The following SLC4A10 variants were observed in gnomAD, a reference collection of about 807,000 sequenced individuals.
The protein encoded by SLC4A10 is sodium-driven chloride bicarbonate exchanger.
In SLC4A10, 42 loss-of-function variants were observed where a neutral mutation model predicts 137.7. The ratio of observed to expected loss-of-function variants is 0.30; its 90% CI spans 0.24 to 0.39. SLC4A10 has a LOEUF of 0.39. SLC4A10 is among the 10% of genes least tolerant of loss of function. The pLI is 1.00. For synonymous variants in SLC4A10, 474 were observed against 464.1 expected (o/e 1.02, Z -0.27); for missense variants, 925 against 1,355.0 (o/e 0.68, Z 4.98).
At chr2:161,814,826 C>T (rs959549897) in intron 3 of SLC4A10, among the ~76,000 whole-genome samples, 2 of 151,894 alleles carry the variant, frequency 1.3e-5, no homozygotes, top group African/African-American at 4.8e-5. Context: ...ACTATACTGC[C>T]CACTACTTGG....
At chr2:161,645,586 T>C (rs2035921426) in intron 1 of SLC4A10, among the ~76,000 whole-genome samples, 1 of 152,048 alleles carries the variant, frequency 6.6e-6, no homozygotes, top group Admixed American at 6.6e-5. Context: ...TTTTATATTA[T>C]GTGAATAAAG....
intron 11 of SLC4A10, among the ~76,000 whole-genome samples, chr2:161,895,336 A>T (rs1173284577): frequency 5.3e-5 from 8 of 152,024 alleles, no homozygotes; most frequent in Admixed American, 5.2e-4. Context: ...GGTTGGTTCC[A>T]AGTCTTTGCT....
chr2:161,859,645 G>C (rs2125877182), intron 5 of SLC4A10, among the ~76,000 whole-genome samples: 1 of 129,994 alleles, frequency 7.7e-6, no homozygotes, highest in East Asian at 2.2e-4. Flanking sequence ...TTGTCTCCCA[G>C]GCTGGAGTGC....
chr2:161,966,447 C>CT (rs869096780), intron 23 of SLC4A10, among the ~76,000 whole-genome samples: 1 of 151,832 alleles, frequency 6.6e-6, no homozygotes, highest in Non-Finnish European at 1.5e-5. Context: ...AATATTAGTG[C>CT]TTTTTTAAAA....
At chr2:161,878,695 G>A (rs980608384) in intron 8 of SLC4A10, among the ~76,000 whole-genome samples, 2 of 151,952 alleles carry the variant, frequency 1.3e-5, no homozygotes, top group African/African-American at 4.8e-5. Context: ...AAGAGAAACA[G>A]GATTATATTT....
chr2:161,736,359 C>A (rs2047340571), intron 1 of SLC4A10, among the ~76,000 whole-genome samples: 1 of 152,018 alleles, frequency 6.6e-6, no homozygotes, highest in Non-Finnish European at 1.5e-5. Context: ...ACAAAATGAC[C>A]AGAAAAAGCT....
intron 3 of SLC4A10, among the ~76,000 whole-genome samples, chr2:161,807,749 A>G (rs756634823): frequency 5.3e-5 from 8 of 152,012 alleles, no homozygotes; most frequent in Middle Eastern, 3.4e-3. Context: ...TTTTATTTTC[A>G]TTTTTAATAG....
intron 26 of SLC4A10, among the ~76,000 whole-genome samples, chr2:161,982,920 A>G (rs950392156): frequency 3.9e-5 from 6 of 152,178 alleles, no homozygotes; most frequent in African/African-American, 1.4e-4. Flanking sequence ...TGTTTTTGGA[A>G]CTGTTTAAAA....
chr2:161,904,424 C>A (rs984978605), intron 13 of SLC4A10, among the ~76,000 whole-genome samples: 1 of 152,158 alleles, frequency 6.6e-6, no homozygotes, highest in African/African-American at 2.4e-5. Context: ...CTCAGCGCCC[C>A]CAATCCTAAG....
chr2:161,886,349 A>T (rs2062280861), intron 10 of SLC4A10, among the ~76,000 whole-genome samples: 1 of 152,138 alleles, frequency 6.6e-6, no homozygotes, highest in Non-Finnish European at 1.5e-5. Context: ...CCTTAAAAAA[A>T]ATTATTTACT....
chr2:161,855,143 C>A lies in SLC4A10; in HGVS notation c.577+13C>A. 6.3e-7 allele frequency: 1 copy of A among 1,598,430 alleles called. No individual in the cohort carries two copies. Among genetic ancestry groups the A allele is most frequent in the Non-Finnish European group, 8.5e-7 (1 of 1,172,266 alleles). On this transcript the variant is annotated intron_variant, in intron 5 of 26. Transcript: ENST00000446997. Reference sequence around the variant, plus strand: ...GAAGAAATTGCAGGTATATCTTTTCCCCCTTAGTGTATTTTATAGGTACAG... The same window carrying A: ...GAAGAAATTGCAGGTATATCTTTTCACCCTTAGTGTATTTTATAGGTACAG...
chr2:161,938,223 A>G lies in SLC4A10; in HGVS notation c.1998-4569A>G, dbSNP rs572722847. Among the ~76,000 whole-genome samples the G allele has an allele frequency of 7.9e-5, 12 of 152,310 alleles. No individual in the cohort carries two copies. In the East Asian group the frequency reaches 2.3e-3, roughly 29 times the overall value. On this transcript the variant is annotated intron_variant, in intron 15 of 26. Transcript: ENST00000446997. ...GAGGCGGAGGTTGCAGTGAACCGAG[A>G]TCATGCCATTGCACTCCAGTCTGGG...
chr2:161,693,604 C>T (rs1028579167), intron 1 of SLC4A10, among the ~76,000 whole-genome samples: 1 of 150,958 alleles, frequency 6.6e-6, no homozygotes, highest in Non-Finnish European at 1.5e-5. Context: ...ACCAACATCT[C>T]CTCATTTTCC....
At chr2:161,873,375 G>A (rs898636290) in intron 7 of SLC4A10, among the ~76,000 whole-genome samples, 1 of 151,558 alleles carries the variant, frequency 6.6e-6, no homozygotes, top group Non-Finnish European at 1.5e-5. Flanking sequence ...GTGGAAAAGA[G>A]GAGTTTCTAG....
At chr2:161,839,136 GA>G (rs951281154) in intron 3 of SLC4A10, among the ~76,000 whole-genome samples, 35 of 152,326 alleles carry the variant, frequency 2.3e-4, no homozygotes, top group African/African-American at 7.7e-4. Flanking sequence ...CTATGAAAAA[GA>G]ATGAACTACT....
chr2:161,964,355 T>C (rs191971927), intron 22 of SLC4A10, 47 bp downstream of exon 22: 5 of 1,583,104 alleles, frequency 3.2e-6, no homozygotes. Flanking sequence ...GATTTGCTGG[T>C]CTCTTTGGAA....
At chr2:161,702,284 G>T (rs1278810731) in intron 1 of SLC4A10, among the ~76,000 whole-genome samples, 2 of 151,826 alleles carry the variant, frequency 1.3e-5, no homozygotes, top group Non-Finnish European at 3.0e-5. Flanking sequence ...TATGTTAAGT[G>T]AAATAAGCCA....
chr2:161,673,641 T>C (rs187473404), intron 1 of SLC4A10, among the ~76,000 whole-genome samples: 5 of 152,264 alleles, frequency 3.3e-5, no homozygotes, highest in Admixed American at 3.3e-4. Flanking sequence ...AACACAAGAA[T>C]CTTGGGTATA....
chr2:161,632,852 T>C (rs986707032), intron 1 of SLC4A10, among the ~76,000 whole-genome samples: 4 of 151,738 alleles, frequency 2.6e-5, no homozygotes, highest in African/African-American at 9.7e-5. Flanking sequence ...CATATATTTT[T>C]AAATTATTTT....
Sources: allele counts gnomAD v4.1 joint callset (sites outside exome capture counted in the v4.1 genomes callset), GRCh38; gene constraint gnomAD v4.1.1; transcripts MANE v1.5; gene names NCBI Gene and HGNC (gene_info 2026-07-23, HGNC 2026-07-21).